ADAMTS20: variants seen among roughly 807,000 people sequenced by gnomAD.
The protein encoded by ADAMTS20 is A disintegrin and metalloproteinase with thrombospondin motifs 20.
A neutral mutation model predicts 260.1 loss-of-function variants in ADAMTS20; 225 were observed. The observed-to-expected ratio is 0.87, with a 90% CI of 0.78 to 0.97. The LOEUF (loss-of-function observed/expected upper bound fraction) is 0.97, where lower values mean the gene tolerates loss of function less well. ADAMTS20 is among the 50% of genes least tolerant of loss of function. The pLI, the probability that ADAMTS20 is intolerant of heterozygous loss-of-function variation, is 0.00. For synonymous variants in ADAMTS20, 802 were observed against 769.5 expected (o/e 1.04, Z -0.70); for missense variants, 2,400 against 2,337.7 (o/e 1.03, Z -0.55).
At chr12:43,485,112 G>GCAA (rs142553845) in intron 7 of ADAMTS20, among the ~76,000 whole-genome samples, 1,453 of 122,242 alleles carry the variant, frequency 0.012, 39 homozygotes, top group Middle Eastern at 0.03. Context: ...AAAAAAAAAA[G>GCAA]CAACAACAAC....
chr12:43,538,976 G>A (rs1319449968), intron 2 of ADAMTS20, among the ~76,000 whole-genome samples: 1 of 122,000 alleles, frequency 8.2e-6, no homozygotes, highest in African/African-American at 3.6e-5. Flanking sequence ...TTTTTGAGAT[G>A]GAGTCTCACT....
chr12:43,496,896 T>C (rs1942685561), intron 4 of ADAMTS20, among the ~76,000 whole-genome samples: 1 of 152,108 alleles, frequency 6.6e-6, no homozygotes, highest in Non-Finnish European at 1.5e-5. Flanking sequence ...ATATACAGCA[T>C]TTCATGCAAC....
At chr12:43,421,093 G>A (rs554511029) in intron 28 of ADAMTS20, among the ~76,000 whole-genome samples, 2 of 151,766 alleles carry the variant, frequency 1.3e-5, no homozygotes, top group Admixed American at 1.3e-4. Flanking sequence ...ACAGGCATGA[G>A]CCACTATGCC....
chr12:43,512,881 C>T (rs948550897), intron 3 of ADAMTS20, among the ~76,000 whole-genome samples: 5 of 152,146 alleles, frequency 3.3e-5, no homozygotes, highest in African/African-American at 1.2e-4. Context: ...CATCACATGA[C>T]TCTTCTAAAG....
At chr12:43,543,250 C>G (rs1474839090) in intron 2 of ADAMTS20, among the ~76,000 whole-genome samples, 3 of 152,108 alleles carry the variant, frequency 2.0e-5, no homozygotes, top group East Asian at 1.9e-4. Context: ...TTCAAGGCTA[C>G]AGTGAATTAT....
At chr12:43,546,743 C>G (rs946044607) in intron 2 of ADAMTS20, among the ~76,000 whole-genome samples, 1 of 152,090 alleles carries the variant, frequency 6.6e-6, no homozygotes, top group African/African-American at 2.4e-5. Context: ...TTTGATTAGC[C>G]ATTACATTAC....
Position 43,493,891 on chromosome 12 carries a change from C to A in ADAMTS20, c.868-638G>T, listed in dbSNP as rs11182111. On this transcript the variant is annotated intron_variant, in intron 4 of 38. Transcript: ENST00000389420. ...TCATATAAACAGCCCTAGAAGAGGTCATGAGTCACAACCTGGTCCTCAATT... is the reference window on the plus strand; with the variant it reads ...TCATATAAACAGCCCTAGAAGAGGTAATGAGTCACAACCTGGTCCTCAATT... 8.3e-3 allele frequency among the ~76,000 whole-genome samples: 1,259 copies of A among 152,272 alleles called. 20 individuals are homozygous for A. Among genetic ancestry groups the A allele is most frequent in the African/African-American group, 0.028 (1,179 of 41,534 alleles).
intron 12 of ADAMTS20, among the ~76,000 whole-genome samples, chr12:43,453,303 G>C (rs1941903511): frequency 6.6e-6 from 1 of 152,048 alleles, no homozygotes; most frequent in East Asian, 1.9e-4. Flanking sequence ...AATACTTTAA[G>C]TAAAGAGTAT....
At chr12:43,505,076 C>G (rs768490820) in intron 3 of ADAMTS20, among the ~76,000 whole-genome samples, 15 of 152,240 alleles carry the variant, frequency 9.9e-5, no homozygotes, top group Non-Finnish European at 1.5e-4. Context: ...GATATAAACC[C>G]TTGTGTATAT....
chr12:43,470,466 C>T (rs1420416802), intron 7 of ADAMTS20, among the ~76,000 whole-genome samples: 1 of 152,156 alleles, frequency 6.6e-6, no homozygotes, highest in African/African-American at 2.4e-5. Flanking sequence ...CGTAAGCAGG[C>T]AACACCTACA....
At chr12:43,375,262 T>C in intron 36 of ADAMTS20, 117 bp downstream of exon 36, 1 of 1,092,144 alleles carries the variant, frequency 9.2e-7, no homozygotes, top group Non-Finnish European at 1.3e-6. Flanking sequence ...AGTAAGTAAT[T>C]TTTGCACAAT....
At chr12:43,540,027 C>T (rs1253602952) in intron 2 of ADAMTS20, among the ~76,000 whole-genome samples, 2 of 152,006 alleles carry the variant, frequency 1.3e-5, no homozygotes, top group South Asian at 2.1e-4. Context: ...GGACTACAGG[C>T]GCTTGCCACC....
chr12:43,489,016 G>A (rs922493973), intron 7 of ADAMTS20, among the ~76,000 whole-genome samples: 3 of 151,982 alleles, frequency 2.0e-5, no homozygotes, highest in African/African-American at 7.2e-5. Context: ...ACAGCTTACA[G>A]TTTTGGTGCT....
chr12:43,378,127 A>T (rs1258453406), intron 31 of ADAMTS20, among the ~76,000 whole-genome samples: 1 of 152,234 alleles, frequency 6.6e-6, no homozygotes, highest in Admixed American at 6.5e-5. Context: ...CTAACTTTAA[A>T]CAACTAAAAC....
At chr12:43,453,126 T>C (rs947160010) in intron 12 of ADAMTS20, among the ~76,000 whole-genome samples, 1 of 152,194 alleles carries the variant, frequency 6.6e-6, no homozygotes, top group African/African-American at 2.4e-5. Flanking sequence ...CAAGGAGTTT[T>C]ATGGTATCAA....
intron 4 of ADAMTS20, among the ~76,000 whole-genome samples, chr12:43,499,323 G>A (rs1197472566): frequency 6.6e-6 from 1 of 152,078 alleles, no homozygotes; most frequent in Non-Finnish European, 1.5e-5. Context: ...ATAAGCACAT[G>A]CATTGGTCTG....
chr12:43,353,440 A>G (rs1160456656), downstream of ADAMTS20, among the ~76,000 whole-genome samples: 1 of 152,014 alleles, frequency 6.6e-6, no homozygotes. Flanking sequence ...TAAAGGCAAA[A>G]CAGAATATTA....
In ADAMTS20 at chr12:43,551,134, G is replaced by A. The variant is rs1943509031; in HGVS notation, c.228C>T (p.Phe76=). The A allele has an allele frequency of 6.2e-7, 1 of 1,613,952 alleles. No homozygotes were observed. The highest frequency in any genetic ancestry group is 8.5e-7 in the Non-Finnish European group (1 of 1,179,876). ...AGGCAGTGAAGCGATAGTGGGTTCGGAACGGCATGGGTTCCAGCGCCTCGG... is the reference window on the plus strand; with the variant it reads ...AGGCAGTGAAGCGATAGTGGGTTCGAAACGGCATGGGTTCCAGCGCCTCGG... The part of the protein sequence containing the change: ...RSSEALEPMP[F]RTHYRFTAYG... The change falls in exon 2 of 39, where the codon TTC becomes TTT. Residue 76 remains phenylalanine, a synonymous_variant. Coordinates refer to ENST00000389420, the MANE Select transcript of ADAMTS20 (RefSeq NM_025003.5). The surrounding 1 kb of genome is among the most constrained non-coding windows in gnomAD (Gnocchi z 4.6).
chr12:43,522,995 G>GAT (rs1943092568), intron 3 of ADAMTS20, among the ~76,000 whole-genome samples: 1 of 152,172 alleles, frequency 6.6e-6, no homozygotes, highest in Admixed American at 6.5e-5. Flanking sequence ...ATCAGAAAAA[G>GAT]ATATCACTTT....
Sources: allele counts gnomAD v4.1 joint callset (sites outside exome capture counted in the v4.1 genomes callset), GRCh38; gene constraint gnomAD v4.1.1; non-coding constraint Gnocchi (gnomAD v3.1); transcripts MANE v1.5; gene names NCBI Gene and HGNC (gene_info 2026-07-23, HGNC 2026-07-21).